The following MEIOSIN variants were observed in gnomAD, a reference collection of about 807,000 sequenced individuals.
The protein encoded by MEIOSIN is meiosis initiator, also known as meiosis initiator protein.
Under a neutral mutation model 23.4 loss-of-function variants are expected in MEIOSIN, and 18 were observed. The observed-to-expected ratio is 0.77, with a 90% confidence interval of 0.53 to 1.14. The LOEUF is 1.14. MEIOSIN is among the 50% of genes most tolerant of loss of function. The pLI is 0.00. For synonymous variants in MEIOSIN, 187 were observed against 100.6 expected (o/e 1.86, Z -5.14); for missense variants, 428 against 242.9 (o/e 1.76, Z -5.07).
intron 2 of MEIOSIN, among the ~76,000 whole-genome samples, 187 bp downstream of exon 2, chr19:45,735,634 TG>T (rs1289125494): frequency 6.6e-6 from 1 of 152,208 alleles, no homozygotes; most frequent in African/African-American, 2.4e-5. Context: ...ATTTTCCAGA[TG>T]AGAGTACTCT....
At chr19:45,745,960 GGTTTTGTTTT>G (rs907082669) in intron 4 of MEIOSIN, among the ~76,000 whole-genome samples, 1 of 151,914 alleles carries the variant, frequency 6.6e-6, no homozygotes, top group African/African-American at 2.4e-5. Context: ...GGGGTTTTTA[GGTTTTGTTTT>G]GTTTTGTTTT....
rs776837377 is a variant in MEIOSIN, at chr19:45,763,963, C to G, written c.1770-8C>G. Reference sequence around the variant, plus strand: ...GGAAGCCAGGCCATCCTGCCACCGTCTCCCCAGCACCAAGGCTCGCAGGTT... The same window carrying G: ...GGAAGCCAGGCCATCCTGCCACCGTGTCCCCAGCACCAAGGCTCGCAGGTT... On this transcript the variant is annotated splice_polypyrimidine_tract_variant and splice_region_variant and intron_variant, in intron 14 of 14. Coordinates refer to ENST00000457052, the MANE Select transcript of MEIOSIN (RefSeq NM_001310124.2). The G allele has an allele frequency of 2.5e-6, 1 of 398,754 alleles. No homozygotes were observed. Among genetic ancestry groups the G allele is most frequent in the Non-Finnish European group, 4.4e-6 (1 of 226,154 alleles). The allele number at this position is 398,754 out of a possible 1,614,324, so 24.7% of individuals were successfully genotyped here.
chr19:45,756,108 T>G (rs1235572278), intron 8 of MEIOSIN, 30 bp downstream of exon 8: 2 of 701,844 alleles, frequency 2.8e-6, no homozygotes, highest in Non-Finnish European at 5.2e-6. Context: ...ACTGAGTGAG[T>G]GGTGCTGAGG....
chr19:45,744,842 G>A (rs1019169278), intron 3 of MEIOSIN, among the ~76,000 whole-genome samples: 3 of 152,166 alleles, frequency 2.0e-5, no homozygotes, highest in African/African-American at 7.2e-5. Flanking sequence ...AGAGAGTGAC[G>A]TGGTCAGATT....
intron 3 of MEIOSIN, among the ~76,000 whole-genome samples, chr19:45,740,865 G>C (rs1414951265): frequency 6.6e-6 from 1 of 151,780 alleles, no homozygotes; most frequent in Non-Finnish European, 1.5e-5. Context: ...TTGAGAATTA[G>C]GTTCATATGC....
At position 45,745,271 on chromosome 19, in the gene MEIOSIN, G is replaced by A. The variant is rs1968571608; in HGVS notation, c.256G>A (p.Ala86Thr). ...CCACACTAGCAAGCTGCAAGAGTTG[G>A]CACTGCTGCTGCCCATAGCCCTGAA... ...KNHTSKLQEL[A>T]LLLPIALKTG... The change falls in exon 4 of 15, where the codon GCA becomes ACA. Residue 86 changes from alanine to threonine, a missense_variant. Transcript: ENST00000457052. 1 of 702,994 alleles carries A rather than the reference G, an allele frequency of 1.4e-6. No individual in the cohort carries two copies. The highest frequency in any genetic ancestry group is 2.6e-6 in the Non-Finnish European group (1 of 385,018). 43.5% of individuals were successfully genotyped at this position (702,994 alleles called of 1,614,324 possible). A position where few individuals can be genotyped will look rare whatever the true frequency, so the allele number is the denominator to read the frequency against.
intron 11 of MEIOSIN, among the ~76,000 whole-genome samples, chr19:45,759,929 G>A (rs888072680): frequency 6.6e-6 from 1 of 151,946 alleles, no homozygotes. Context: ...AGCCCCCCTA[G>A]TAGCTGGGAT....
rs901578154 is a variant in MEIOSIN, at chr19:45,750,729, G to A, written c.361G>A (p.Asp121Asn). ...CATTCAGTACCTCCAGAGAAACATC[G>A]ATGCCGCCAAGGCCTTGTTCAAATG... ...QYIQYLQRNI[D>N]AAKALFKCHI... Residue 121 changes from aspartate to asparagine, a missense_variant, in exon 5 of 15, where the codon GAT (aspartate) becomes AAT (asparagine). Coordinates refer to ENST00000457052, the MANE Select transcript of MEIOSIN (RefSeq NM_001310124.2). The A allele has an allele frequency of 6.2e-6, 4 of 644,558 alleles. No individual in the cohort carries two copies. The highest frequency in any genetic ancestry group is 2.6e-5 in the Admixed American group (1 of 38,336). The allele number at this position is 644,558 out of a possible 1,614,324, so 39.9% of individuals were successfully genotyped here. A position where few individuals can be genotyped will look rare whatever the true frequency, so the allele number is the denominator to read the frequency against.
At chr19:45,762,598 C>T (rs1568561501) in intron 13 of MEIOSIN, among the ~76,000 whole-genome samples, 1 of 151,970 alleles carries the variant, frequency 6.6e-6, no homozygotes, top group Non-Finnish European at 1.5e-5. Flanking sequence ...ACAGGCGCGC[C>T]ATCAGCTAAT....
At chr19:45,739,827 A>G (rs1968470186) in intron 3 of MEIOSIN, 97 bp downstream of exon 3, 1 of 674,080 alleles carries the variant, frequency 1.5e-6, no homozygotes, top group Non-Finnish European at 2.7e-6. Context: ...CTGACAAATG[A>G]CTGTACACAC....
chr19:45,739,023 G>A (rs939691970), intron 2 of MEIOSIN, among the ~76,000 whole-genome samples: 3 of 152,224 alleles, frequency 2.0e-5, no homozygotes, highest in Admixed American at 6.6e-5. Context: ...ATTCAGGGAT[G>A]TCGGCCTTGG....
intron 5 of MEIOSIN, among the ~76,000 whole-genome samples, chr19:45,752,923 T>TC (rs1968743305): frequency 7.0e-6 from 1 of 143,844 alleles, no homozygotes; most frequent in South Asian, 2.1e-4. Flanking sequence ...CTTCTTCTTT[T>TC]TTTTTTTTTT....
Position 45,754,528 on chromosome 19 carries a change from G to T in MEIOSIN, c.606G>T (p.Lys202Asn). 1.4e-6 allele frequency: 1 copy of T among 703,048 alleles called. No homozygotes were observed. The highest frequency in any genetic ancestry group is 2.6e-6 in the Non-Finnish European group (1 of 385,024). 43.6% of individuals were successfully genotyped at this position (703,048 alleles called of 1,614,324 possible). ...CTCGCCGCTCTCTGGCCCTGAACAA[G>T]CCTGAGAAGCTGGTGGCCCCATCCC... Reference protein sequence around the residue: ...PKPRRSLALNKPEKLVAPSPD... With the variant: ...PKPRRSLALNNPEKLVAPSPD... The change falls in exon 7 of 15, where the codon AAG (lysine) becomes AAT (asparagine). Residue 202 changes from lysine (K) to asparagine (N), a missense_variant. Physicochemically the swap from Lys to Asn is moderately conservative, Grantham distance 94. Coordinates refer to ENST00000457052, the MANE Select transcript of MEIOSIN (RefSeq NM_001310124.2).
chr19:45,744,348 C>A (rs770166807), intron 3 of MEIOSIN, among the ~76,000 whole-genome samples: 2 of 151,920 alleles, frequency 1.3e-5, no homozygotes, highest in Non-Finnish European at 2.9e-5. Context: ...TAACACCAAG[C>A]AACACTTTTT....
intron 13 of MEIOSIN, 125 bp downstream of exon 13, chr19:45,762,308 C>T (rs898893030): frequency 5.0e-6 from 2 of 398,418 alleles, no homozygotes; most frequent in Admixed American, 4.4e-5. Flanking sequence ...ACAAACCCTT[C>T]GTGGACCACA....
Position 45,764,261 on chromosome 19 carries a change from C to CTGAT in MEIOSIN, c.*145_*148dup, listed in dbSNP as rs1052929152. 1.2e-4 allele frequency: 46 copies of CTGAT among 397,414 alleles called. No individual in the cohort carries two copies. The highest frequency in any genetic ancestry group is 9.2e-4 in the African/African-American group (45 of 48,748). The allele number at this position is 397,414 out of a possible 1,614,324, so 24.6% of individuals were successfully genotyped here. On this transcript the variant is annotated 3_prime_UTR_variant, in exon 15 of 15. Transcript: ENST00000457052. ...TCCCATGGGACTGGGGAGGGGGGCA[C>CTGAT]TGATTAGCCCCAACCGCTGGGCACA...
At chr19:45,747,324 T>C (rs1968612961) in intron 4 of MEIOSIN, among the ~76,000 whole-genome samples, 1 of 152,172 alleles carries the variant, frequency 6.6e-6, no homozygotes, top group South Asian at 2.1e-4. Flanking sequence ...CTGTGAGAAT[T>C]GCCTCTCCTG....
At chr19:45,757,055 G>A (rs1050080069) in intron 8 of MEIOSIN, 122 bp from the exon 9 acceptor site, 24 of 600,958 alleles carry the variant, frequency 4.0e-5, no homozygotes, top group Non-Finnish European at 5.7e-5. Context: ...TGGGAGCCTC[G>A]ACTGACTGAG....
In MEIOSIN at chr19:45,764,008, A is replaced by G; in HGVS notation, c.1807A>G (p.Ile603Val). The G allele has an allele frequency of 2.5e-6, 1 of 398,632 alleles. No individual in the cohort carries two copies. The highest frequency in any genetic ancestry group is 4.4e-6 in the Non-Finnish European group (1 of 226,074). 24.7% of individuals were successfully genotyped at this position (398,632 alleles called of 1,614,324 possible). The change falls in exon 15 of 15, where the codon ATC becomes GTC. Residue 603 changes from isoleucine to valine, a missense_variant. Coordinates refer to ENST00000457052, the MANE Select transcript of MEIOSIN (RefSeq NM_001310124.2). The part of the protein sequence containing the change: ...ARRFSRQHNR[I>V]VKQDGSSSEA... Reference sequence around the variant, plus strand: ...CAGGTTCAGCCGCCAGCACAACCGCATCGTGAAGCAGGACGGCTCCAGCAG... The same window carrying G: ...CAGGTTCAGCCGCCAGCACAACCGCGTCGTGAAGCAGGACGGCTCCAGCAG...
Sources: allele counts gnomAD v4.1 joint callset (sites outside exome capture counted in the v4.1 genomes callset), GRCh38; gene constraint gnomAD v4.1.1; transcripts MANE v1.5; gene names NCBI Gene and HGNC (gene_info 2026-07-23, HGNC 2026-07-21).